The following MAGI1 variants were observed in gnomAD, a reference collection of about 807,000 sequenced individuals.
MAGI1 encodes membrane-associated guanylate kinase, WW and PDZ domain-containing protein 1.
MAGI1 carries 58 observed loss-of-function variants against 139.9 expected under a neutral mutation model. The ratio of observed to expected loss-of-function variants is 0.41; its 90% CI spans 0.34 to 0.52. The LOEUF is 0.52. MAGI1 is among the 20% of genes least tolerant of loss of function. The pLI is 0.12. For missense variants in MAGI1, 1,874 were observed against 1,901.6 expected, an observed-to-expected ratio of 0.99 and a Z score of 0.27; for synonymous variants, 812 against 737.9, an observed-to-expected ratio of 1.10 and a Z score of -1.63.
intron 1 of MAGI1, among the ~76,000 whole-genome samples, chr3:65,824,690 C>T (rs1053722750): frequency 2.6e-5 from 4 of 152,154 alleles, no homozygotes; most frequent in African/African-American, 4.8e-5. Context: ...AGTTGTCTGC[C>T]TAAATACCTT....
intron 1 of MAGI1, among the ~76,000 whole-genome samples, chr3:66,003,532 A>T (rs2066863386): frequency 6.6e-6 from 1 of 152,120 alleles, no homozygotes; most frequent in Non-Finnish European, 1.5e-5. Context: ...ATCTTGGCTC[A>T]CTGCAACCTC....
At chr3:65,769,607 G>A (rs1471334431) in intron 1 of MAGI1, among the ~76,000 whole-genome samples, 2 of 152,170 alleles carry the variant, frequency 1.3e-5, no homozygotes. Context: ...CAAGGTGATG[G>A]ACATGCAATT....
At chr3:65,510,999 T>A (rs1302949024) in intron 2 of MAGI1, among the ~76,000 whole-genome samples, 2 of 146,284 alleles carry the variant, frequency 1.4e-5, no homozygotes, top group Non-Finnish European at 3.0e-5. Context: ...GGGCCAATAT[T>A]CAACATTCTT....
At chr3:65,977,813 A>ATCT (rs2065344021) in intron 1 of MAGI1, among the ~76,000 whole-genome samples, 3 of 151,818 alleles carry the variant, frequency 2.0e-5, no homozygotes, top group Admixed American at 1.3e-4. Flanking sequence ...AGCCACATTC[A>ATCT]TCTGCTAGTT....
chr3:65,662,755 A>G, intron 1 of MAGI1, among the ~76,000 whole-genome samples: 1 of 152,148 alleles, frequency 6.6e-6, no homozygotes, highest in African/African-American at 2.4e-5. Flanking sequence ...CCAGTATACG[A>G]TATTATTAAC....
intron 1 of MAGI1, among the ~76,000 whole-genome samples, chr3:65,904,020 GA>G: frequency 2.0e-5 from 3 of 150,890 alleles, no homozygotes; most frequent in Admixed American, 2.0e-4. Context: ...AAAAAAAAAA[GA>G]AAGAAAGAAA....
chr3:65,527,787 T>C (rs2078456191), intron 2 of MAGI1, among the ~76,000 whole-genome samples: 1 of 151,470 alleles, frequency 6.6e-6, no homozygotes, highest in Non-Finnish European at 1.5e-5. Flanking sequence ...TGGTGGTGCA[T>C]GCCTGCAATC....
At chr3:65,714,911 A>G (rs1407535614) in intron 1 of MAGI1, among the ~76,000 whole-genome samples, 1 of 152,164 alleles carries the variant, frequency 6.6e-6, no homozygotes, top group East Asian at 1.9e-4. Flanking sequence ...ATAGATATTA[A>G]TGATGGTGTC....
intron 2 of MAGI1, 100 bp from the exon 3 acceptor site, chr3:65,493,731 G>C: frequency 6.5e-6 from 9 of 1,385,164 alleles, no homozygotes; most frequent in Non-Finnish European, 9.0e-6. Flanking sequence ...GTAAGAGGGC[G>C]TACCTAAGAC....
At chr3:65,379,756 T>C (rs1045141562) in intron 16 of MAGI1, among the ~76,000 whole-genome samples, 3 of 152,114 alleles carry the variant, frequency 2.0e-5, no homozygotes, top group South Asian at 2.1e-4. Context: ...TCTACGAACA[T>C]TGATCCCACC....
At chr3:65,778,961 G>A (rs1010892993) in intron 1 of MAGI1, among the ~76,000 whole-genome samples, 1 of 152,252 alleles carries the variant, frequency 6.6e-6, no homozygotes, top group South Asian at 2.1e-4. Flanking sequence ...TCTAGGGGTC[G>A]AGACCAGGGA....
intron 1 of MAGI1, among the ~76,000 whole-genome samples, chr3:66,015,949 G>A (rs1419241000): frequency 1.3e-5 from 2 of 152,166 alleles, no homozygotes; most frequent in Non-Finnish European, 2.9e-5. Flanking sequence ...GAAATAACAT[G>A]AGGACATAAA....
intron 1 of MAGI1, among the ~76,000 whole-genome samples, chr3:65,991,059 T>G (rs962489760): frequency 6.6e-6 from 1 of 151,864 alleles, no homozygotes; most frequent in Non-Finnish European, 1.5e-5. Context: ...GAGGCCAAGG[T>G]GGGCAGATCA....
At chr3:65,505,299 A>G (rs1057030834) in intron 2 of MAGI1, among the ~76,000 whole-genome samples, 1 of 152,144 alleles carries the variant, frequency 6.6e-6, no homozygotes, top group Non-Finnish European at 1.5e-5. Flanking sequence ...GCTGTGATTA[A>G]TTAAGAATAT....
At chr3:65,375,201 T>C (rs1288072275) in intron 18 of MAGI1, among the ~76,000 whole-genome samples, 1 of 151,192 alleles carries the variant, frequency 6.6e-6, no homozygotes, top group East Asian at 1.9e-4. Context: ...TTTTTTTTTT[T>C]TTTTTGAGAT....
At chr3:65,463,582 G>A (rs1225115106) in intron 5 of MAGI1, among the ~76,000 whole-genome samples, 2 of 151,244 alleles carry the variant, frequency 1.3e-5, no homozygotes, top group Non-Finnish European at 2.9e-5. Context: ...GTGTGTGTGT[G>A]TGTGTGTGTG....
intron 22 of MAGI1, 140 bp from the exon 23 acceptor site, chr3:65,357,272 T>G: frequency 1.2e-6 from 1 of 848,446 alleles, no homozygotes; most frequent in Non-Finnish European, 1.8e-6. Context: ...GCCAACTGAA[T>G]CTGTTAACTT....
intron 1 of MAGI1, among the ~76,000 whole-genome samples, chr3:66,032,305 G>A (rs372927158): frequency 6.6e-6 from 1 of 151,774 alleles, no homozygotes; most frequent in Admixed American, 6.6e-5. Context: ...TCAGCCTCCC[G>A]GGTTCAAGCA....
In MAGI1 at chr3:66,038,839, A is replaced by AGGCG. The variant is rs1178886551; in HGVS notation, c.-532_-531insCGCC. 6.6e-6 allele frequency: 1 copy of AGGCG among 152,446 alleles called. No individual in the cohort carries two copies. Among genetic ancestry groups the AGGCG allele is most frequent in the Non-Finnish European group, 1.5e-5 (1 of 68,288 alleles). The allele number at this position is 152,446 out of a possible 1,614,324, so 9.4% of individuals were successfully genotyped here. ...TCGCGGCCCCTTTAAGCAGATACAAAGGCTCGGCTTGTTTTGTTACAGTTC... is the reference window on the plus strand; with the variant it reads ...TCGCGGCCCCTTTAAGCAGATACAAAGGCGGGCTCGGCTTGTTTTGTTACAGTTC... On this transcript the variant is annotated 5_prime_UTR_variant, in exon 1 of 23. It removes the in-frame stop codon of an upstream open reading frame in the 5' UTR. Coordinates refer to ENST00000402939, the MANE Select transcript of MAGI1 (RefSeq NM_001033057.2).
Sources: allele counts gnomAD v4.1 joint callset (sites outside exome capture counted in the v4.1 genomes callset), GRCh38; gene constraint gnomAD v4.1.1; transcripts MANE v1.5; gene names NCBI Gene and HGNC (gene_info 2026-07-23, HGNC 2026-07-21).